RPRD1A: variants seen among roughly 807,000 people sequenced by gnomAD.
RPRD1A encodes regulation of nuclear pre-mRNA domain containing 1A, also known as regulation of nuclear pre-mRNA domain-containing protein 1A.
RPRD1A carries 9 observed loss-of-function variants against 37.8 expected under a neutral mutation model. The ratio of observed to expected loss-of-function variants is 0.24; its 90% CI spans 0.14 to 0.42. RPRD1A has a LOEUF of 0.42. Ranked by LOEUF, RPRD1A falls within the 10% of genes least tolerant of loss-of-function variation. RPRD1A has a pLI of 1.00. For missense variants in RPRD1A, 255 were observed against 371.0 expected (o/e 0.69, Z 2.57); for synonymous variants, 138 against 139.7 (o/e 0.99, Z 0.08).
At chr18:36,033,989 T>G in intron 1 of RPRD1A, 152 bp from the exon 2 acceptor site, 1 of 584,678 alleles carries the variant, frequency 1.7e-6, no homozygotes, top group Non-Finnish European at 2.8e-6. Context: ...ACTACCAAAC[T>G]AACCAGTCAC....
chr18:36,002,081 T>C (rs1293110702), intron 6 of RPRD1A, among the ~76,000 whole-genome samples: 1 of 143,682 alleles, frequency 7.0e-6, no homozygotes, highest in East Asian at 2.0e-4. Flanking sequence ...CATGCCTAAG[T>C]AGAGATTGTA....
Position 35,995,261 on chromosome 18 carries a change from GTT to G in RPRD1A, c.790-1963_790-1962del, listed in dbSNP as rs1232555714. Among the ~76,000 whole-genome samples, 451 of 109,184 alleles carry G rather than the reference GTT, an allele frequency of 4.1e-3. 2 individuals are homozygous for G. Among genetic ancestry groups the G allele is most frequent in the African/African-American group, 0.015 (416 of 28,426 alleles). 71.6% of individuals were successfully genotyped at this position (109,184 alleles called of 152,430 possible). ...CTCTCCAATTTTTTTGCTTTTTTTC[GTT>G]TTTTTTTTTTTTTTTTTGAGACGGA... is the stretch of plus-strand genomic sequence containing the variant. On this transcript the variant is annotated intron_variant, in intron 6 of 6. Transcript: ENST00000399022.
intron 6 of RPRD1A, among the ~76,000 whole-genome samples, chr18:36,023,024 G>C (rs1911113564): frequency 6.6e-6 from 1 of 152,150 alleles, no homozygotes; most frequent in South Asian, 2.1e-4. Context: ...CTCTGATGAA[G>C]ATGTACAATG....
intron 2 of RPRD1A, among the ~76,000 whole-genome samples, chr18:36,032,401 C>T (rs1911854734): frequency 6.6e-6 from 1 of 152,174 alleles, no homozygotes; most frequent in Admixed American, 6.5e-5. Context: ...TTAGCTTAAA[C>T]TGTAGACTAT....
intron 1 of RPRD1A, among the ~76,000 whole-genome samples, chr18:36,064,585 C>A (rs567213331): frequency 1.3e-5 from 2 of 152,240 alleles, no homozygotes; most frequent in African/African-American, 4.8e-5. Context: ...TTTGTAAATG[C>A]AACAATCAGT....
chr18:36,060,365 T>C (rs559891125), intron 1 of RPRD1A, among the ~76,000 whole-genome samples: 54 of 151,778 alleles, frequency 3.6e-4, no homozygotes, highest in Non-Finnish European at 7.1e-4. Flanking sequence ...CCCGGGAAGG[T>C]GGAGGTTGCA....
At chr18:36,004,965 T>C (rs1409113957) in intron 6 of RPRD1A, among the ~76,000 whole-genome samples, 1 of 152,074 alleles carries the variant, frequency 6.6e-6, no homozygotes, top group Non-Finnish European at 1.5e-5. Context: ...TGGCTACCTA[T>C]GTTAAGTTGA....
At chr18:36,066,152 C>A (rs1370580408) in intron 1 of RPRD1A, among the ~76,000 whole-genome samples, 1 of 151,554 alleles carries the variant, frequency 6.6e-6, no homozygotes, top group African/African-American at 2.4e-5. Context: ...CATACTTACA[C>A]ATAAACTGAA....
At chr18:36,035,742 A>G (rs896481066) in intron 1 of RPRD1A, among the ~76,000 whole-genome samples, 1 of 152,238 alleles carries the variant, frequency 6.6e-6, no homozygotes, top group Admixed American at 6.5e-5. Context: ...TATATTCAAT[A>G]AAGTATTATT....
At chr18:36,018,375 G>A (rs1250291446) in intron 6 of RPRD1A, among the ~76,000 whole-genome samples, 5 of 151,356 alleles carry the variant, frequency 3.3e-5, no homozygotes, top group South Asian at 2.1e-4. Context: ...CTGGGTTCAC[G>A]CCATTCTCCT....
rs71381561 is a variant in RPRD1A, at chr18:36,008,589, A to ATATATATATC, written c.790-15290_790-15289insGATATATATA. Among the ~76,000 whole-genome samples the ATATATATATC allele has an allele frequency of 1.7e-3, 158 of 90,814 alleles. 22 individuals carry two copies. The East Asian group carries it at 0.021, about 12-fold the overall frequency. 59.6% of individuals were successfully genotyped at this position (90,814 alleles called of 152,430 possible). ...AGACCTTGTGTGTGTATATATATATATCTTTAAAAATCTCTCTAGGAAAAA... is the reference window on the plus strand; with the variant it reads ...AGACCTTGTGTGTGTATATATATATATATATATATCTCTTTAAAAATCTCTCTAGGAAAAA... On this transcript the variant is annotated intron_variant, in intron 6 of 6. Transcript: ENST00000399022.
chr18:36,015,193 CACACACACACAT>C (rs1568122139), intron 6 of RPRD1A, among the ~76,000 whole-genome samples: 1 of 149,754 alleles, frequency 6.7e-6, no homozygotes, highest in African/African-American at 2.5e-5. Context: ...CACACACACA[CACACACACACAT>C]TCACATACTT....
chr18:36,055,861 A>G (rs1485644211), intron 1 of RPRD1A, among the ~76,000 whole-genome samples: 1 of 152,194 alleles, frequency 6.6e-6, no homozygotes, highest in East Asian at 1.9e-4. Context: ...AGATCAATGC[A>G]ACAGAATGAG....
intron 1 of RPRD1A, among the ~76,000 whole-genome samples, chr18:36,039,307 C>CTATAA (rs2144330032): frequency 6.6e-6 from 1 of 152,270 alleles, no homozygotes; most frequent in East Asian, 1.9e-4. Context: ...AGTCTCAGTT[C>CTATAA]TTTATAGCAA....
chr18:36,065,181 A>C (rs4799844), intron 1 of RPRD1A, among the ~76,000 whole-genome samples: 1 of 152,106 alleles, frequency 6.6e-6, no homozygotes, highest in African/African-American at 2.4e-5. Flanking sequence ...ACACACTATG[A>C]CAACCACTAT....
intron 1 of RPRD1A, among the ~76,000 whole-genome samples, chr18:36,057,381 G>A (rs1374147663): frequency 2.0e-5 from 3 of 152,156 alleles, no homozygotes; most frequent in Admixed American, 1.3e-4. Context: ...GCCAAAACGG[G>A]AGGATCACTT....
chr18:36,061,436 G>A (rs2088908725), intron 1 of RPRD1A, among the ~76,000 whole-genome samples: 1 of 152,156 alleles, frequency 6.6e-6, no homozygotes, highest in African/African-American at 2.4e-5. Flanking sequence ...ACTAGGGAAG[G>A]CAGTGACCTT....
At chr18:36,033,864 C>G (rs763944562) in intron 1 of RPRD1A, 27 bp from the exon 2 acceptor site, 11 of 1,577,970 alleles carry the variant, frequency 7.0e-6, no homozygotes, top group Non-Finnish European at 9.5e-6. Context: ...AGTTAAAAAT[C>G]TACTTAAAAC....
intron 1 of RPRD1A, among the ~76,000 whole-genome samples, chr18:36,055,095 CAAGTT>C (rs1329508660): frequency 6.6e-6 from 1 of 152,198 alleles, no homozygotes; most frequent in Non-Finnish European, 1.5e-5. Context: ...GTTGCCCAGT[CAAGTT>C]GACACAGAAA....
Sources: allele counts gnomAD v4.1 joint callset (sites outside exome capture counted in the v4.1 genomes callset), GRCh38; gene constraint gnomAD v4.1.1; transcripts MANE v1.5; gene names NCBI Gene and HGNC (gene_info 2026-07-23, HGNC 2026-07-21).